AFF3: variants seen among roughly 807,000 people sequenced by gnomAD.
AFF3 encodes AF4/FMR2 family member 3.
A neutral mutation model predicts 129.7 loss-of-function variants in AFF3; 32 were observed. The observed-to-expected ratio is 0.25, with a 90% confidence interval of 0.19 to 0.33. The LOEUF is 0.33. Ranked by LOEUF, AFF3 falls within the 10% of genes least tolerant of loss-of-function variation. The probability of loss-of-function intolerance (pLI) is 1.00; values close to 1 mark genes in which losing one functional copy is unlikely to be tolerated. For synonymous variants in AFF3, 644 were observed against 635.4 expected, an observed-to-expected ratio of 1.01 and a Z score of -0.20; for missense variants, 1,373 against 1,592.0, an observed-to-expected ratio of 0.86 and a Z score of 2.34.
intron 4 of AFF3, among the ~76,000 whole-genome samples, chr2:100,084,004 C>T (rs1689234541): frequency 6.6e-6 from 1 of 152,092 alleles, no homozygotes. Context: ...TTCCCTTGCC[C>T]ACAGTGCCAT....
intron 7 of AFF3, among the ~76,000 whole-genome samples, chr2:99,961,557 C>T (rs551902200): frequency 6.6e-6 from 1 of 152,280 alleles, no homozygotes; most frequent in East Asian, 1.9e-4. Flanking sequence ...GAGTTTTCCA[C>T]AGTCCTACAC....
chr2:99,561,738 T>G (rs1300755582), intron 20 of AFF3, among the ~76,000 whole-genome samples: 1 of 152,206 alleles, frequency 6.6e-6, no homozygotes, highest in Non-Finnish European at 1.5e-5. Context: ...AGGAGTAGTT[T>G]ATTGTATATA....
intron 4 of AFF3, among the ~76,000 whole-genome samples, chr2:100,055,892 C>T (rs1468558739): frequency 6.6e-6 from 1 of 152,004 alleles, no homozygotes; most frequent in African/African-American, 2.4e-5. Flanking sequence ...TAGTTGTGGG[C>T]CCAGCACAGT....
In AFF3 at chr2:99,810,958, C is replaced by A. The variant is rs766139753; in HGVS notation, c.921+26519G>T. Among the ~76,000 whole-genome samples the A allele has an allele frequency of 2.0e-5, 3 of 152,274 alleles. No individual in the cohort carries two copies. In the South Asian group the frequency reaches 6.2e-4, roughly 32 times the overall value. On this transcript the variant is annotated intron_variant, in intron 8 of 24. Transcript: ENST00000672756. The stretch of plus-strand genomic sequence containing the variant: ...TTCTCTTTCCTCTGTCTTCCTCCCC[C>A]ACATCTAAGGGCCTTTATGATTACA...
chr2:99,570,562 T>C lies in AFF3; in HGVS notation c.2919-1647A>G, dbSNP rs916956863. Among the ~76,000 whole-genome samples the C allele has an allele frequency of 3.3e-5, 5 of 152,130 alleles. 1 individual carries two copies. The highest frequency in any genetic ancestry group is 4.4e-5 in the Non-Finnish European group (3 of 68,018). On this transcript the variant is annotated intron_variant, in intron 18 of 24. Transcript: ENST00000672756. Reference sequence around the variant, plus strand: ...CATGTTGCAAAGGCTGGTCTTGAACTCCTGAGGTCAAGTGATCCACCTGCC... The same window carrying C: ...CATGTTGCAAAGGCTGGTCTTGAACCCCTGAGGTCAAGTGATCCACCTGCC...
chr2:99,884,365 A>G (rs1234801132), intron 7 of AFF3, among the ~76,000 whole-genome samples: 1 of 152,174 alleles, frequency 6.6e-6, no homozygotes, highest in Non-Finnish European at 1.5e-5. Context: ...ATACATTGCT[A>G]TTAACTATAG....
At position 99,587,270 on chromosome 2, in the gene AFF3, G is replaced by C; in HGVS notation, c.2475C>G (p.Asn825Lys). 5 of 1,614,050 alleles carry C rather than the reference G, an allele frequency of 3.1e-6. No individual in the cohort carries two copies. Among genetic ancestry groups the C allele is most frequent in the Non-Finnish European group, 3.4e-6 (4 of 1,179,970 alleles). ...PKSKRKRKCD[N>K]EDDYREIKKS... ...TCTTGATCTCCCTGTAGTCGTCTTC[G>C]TTGTCACACTGTATGGGAATAAACT... The change falls in exon 16 of 25, where the codon AAC becomes AAG. Residue 825 changes from asparagine (N) to lysine (K), a missense_variant. Around this residue, in one of 9 missense-constraint regions of AFF3, gnomAD observed 466 missense variants for 505.0 expected, o/e 0.92. Coordinates refer to ENST00000672756, the MANE Select transcript of AFF3 (RefSeq NM_001386135.1).
intron 8 of AFF3, among the ~76,000 whole-genome samples, chr2:99,836,987 C>A (rs532592724): frequency 1.3e-5 from 2 of 152,114 alleles, no homozygotes; most frequent in African/African-American, 4.8e-5. Context: ...ATGAAAAGGA[C>A]GGGCTCACAG....
intron 4 of AFF3, among the ~76,000 whole-genome samples, chr2:100,082,186 T>C (rs2666319): frequency 1.3e-5 from 2 of 152,212 alleles, no homozygotes; most frequent in South Asian, 2.1e-4. Context: ...GTTCTAAAAA[T>C]GTCCCGTAAG....
chr2:99,677,973 C>T (rs1674157079), intron 11 of AFF3, among the ~76,000 whole-genome samples: 1 of 152,168 alleles, frequency 6.6e-6, no homozygotes, highest in African/African-American at 2.4e-5. Flanking sequence ...CGCCGGCTAC[C>T]ACGCCTGGCC....
chr2:99,715,518 T>C (rs1235320560), intron 11 of AFF3, among the ~76,000 whole-genome samples: 1 of 152,222 alleles, frequency 6.6e-6, no homozygotes, highest in Non-Finnish European at 1.5e-5. Flanking sequence ...ATAACAGTTA[T>C]AAGACTTATA....
rs185300907 is a variant in AFF3, at chr2:99,649,698, T to C, written c.1144-32A>G. The C allele has an allele frequency of 1.9e-6, 3 of 1,613,038 alleles. No individual in the cohort carries two copies. The East Asian group carries it at 6.7e-5, about 36-fold the overall frequency. ...GAAAGAAAGGGCAGAGATGTTTATT[T>C]AATATTCTGACTTTTGAATTACGTG... On this transcript the variant is annotated intron_variant, in intron 12 of 24. Transcript: ENST00000672756.
chr2:99,968,602 G>C (rs1285142525), intron 7 of AFF3, among the ~76,000 whole-genome samples: 1 of 152,156 alleles, frequency 6.6e-6, no homozygotes, highest in Non-Finnish European at 1.5e-5. Context: ...ACTAGGAGTT[G>C]AGATGGCTTT....
intron 7 of AFF3, among the ~76,000 whole-genome samples, chr2:99,848,064 C>T (rs1689864460): frequency 6.6e-6 from 1 of 152,000 alleles, no homozygotes; most frequent in South Asian, 2.1e-4. Context: ...GGGGGATCAC[C>T]TGAGGTCAGG....
At chr2:99,905,629 T>C (rs1483942923) in intron 7 of AFF3, among the ~76,000 whole-genome samples, 1 of 152,228 alleles carries the variant, frequency 6.6e-6, no homozygotes, top group East Asian at 1.9e-4. Context: ...AGGCTTTTGT[T>C]TGAATTTTAT....
chr2:99,648,917 A>ACTCTCTCTCTCTCTCTCTCTCTCT (rs769906171), intron 13 of AFF3, among the ~76,000 whole-genome samples: 88 of 46,908 alleles, frequency 1.9e-3, no homozygotes, highest in African/African-American at 3.3e-3. Flanking sequence ...ACACACACAC[A>ACTCTCTCTCTCTCTCTCTCTCTCT]CTCTCTCTCT....
intron 7 of AFF3, among the ~76,000 whole-genome samples, chr2:99,846,503 T>C (rs1689738765): frequency 6.6e-6 from 1 of 152,210 alleles, no homozygotes; most frequent in African/African-American, 2.4e-5. Flanking sequence ...TGGCAGGAAA[T>C]GTACACGAAA....
At chr2:100,055,768 A>G (rs775362578) in intron 4 of AFF3, among the ~76,000 whole-genome samples, 3 of 152,152 alleles carry the variant, frequency 2.0e-5, no homozygotes, top group Non-Finnish European at 4.4e-5. Flanking sequence ...ATAATAAACA[A>G]ATGGGCACAA....
chr2:99,838,443 A>G (rs1211355489), intron 7 of AFF3, among the ~76,000 whole-genome samples: 3 of 152,134 alleles, frequency 2.0e-5, no homozygotes, highest in Non-Finnish European at 4.4e-5. Flanking sequence ...CAAGAATGCT[A>G]TCTGCACCTT....
Sources: gnomAD v4.1 joint callset for allele counts (sites outside exome capture counted in the v4.1 genomes callset) on GRCh38, gnomAD v4.1.1 for gene constraint, gnomAD v4.1.1 regional missense constraint, MANE v1.5 for transcripts, NCBI Gene and HGNC (gene_info 2026-07-23, HGNC 2026-07-21) for gene names.